The following IFNGR2 variants were observed in gnomAD, a reference collection of about 807,000 sequenced individuals.
IFNGR2 encodes the protein interferon gamma receptor 2.
Under a neutral mutation model 41.1 loss-of-function variants are expected in IFNGR2, and 15 were observed. The ratio of observed to expected loss-of-function variants is 0.37; its 90% CI spans 0.24 to 0.56. The LOEUF is 0.56. Among genes scored for constraint, IFNGR2 ranks in the 20% least tolerant of loss-of-function variants. The probability of loss-of-function intolerance (pLI) is 0.81; values close to 1 mark genes in which losing one functional copy is unlikely to be tolerated. For missense variants in IFNGR2, 362 were observed against 415.7 expected, an observed-to-expected ratio of 0.87 and a Z score of 1.12; for synonymous variants, 161 against 171.6, an observed-to-expected ratio of 0.94 and a Z score of 0.48.
intron 2 of IFNGR2, 56 bp from the exon 3 acceptor site, chr21:33,421,424 A>G: frequency 7.3e-7 from 1 of 1,376,370 alleles, no homozygotes; most frequent in Non-Finnish European, 1.0e-6. Flanking sequence ...CTCTGGGGAA[A>G]CTATTACACA....
At position 33,418,269 on chromosome 21, in the gene IFNGR2, C is replaced by T. The variant is rs577064238; in HGVS notation, c.207-3211C>T. Among the ~76,000 whole-genome samples, 21 of 152,224 alleles carry T rather than the reference C, an allele frequency of 1.4e-4. No individual in the cohort carries two copies. In the South Asian group the frequency reaches 4.1e-3, roughly 30 times the overall value. On this transcript the variant is annotated intron_variant, in intron 2 of 6. Coordinates refer to ENST00000290219, the MANE Select transcript of IFNGR2 (RefSeq NM_005534.4). ...ACAGCTTTTCACCATGTTGGCCAGG[C>T]TGGTCTCGAACTCCTGACCTCAGGT...
At chr21:33,429,669 G>A (rs2123363418) in intron 4 of IFNGR2, among the ~76,000 whole-genome samples, 1 of 152,272 alleles carries the variant, frequency 6.6e-6, no homozygotes, top group East Asian at 1.9e-4. Flanking sequence ...GAGAGACCCA[G>A]CGCCCAGGGC....
chr21:33,427,804 G>C (rs1393338029), intron 4 of IFNGR2, among the ~76,000 whole-genome samples: 1 of 148,146 alleles, frequency 6.8e-6, no homozygotes, highest in Non-Finnish European at 1.5e-5. Flanking sequence ...CTTTGTGTTT[G>C]GCTCTGGGCC....
chr21:33,403,607 G>T lies in IFNGR2; in HGVS notation c.64G>T (p.Ala22Ser). The change falls in exon 1 of 7, where the codon GCC becomes TCC. Residue 22 changes from alanine to serine, a missense_variant. By Grantham distance (99) the Ala-to-Ser change is moderately conservative. Coordinates refer to ENST00000290219, the MANE Select transcript of IFNGR2 (RefSeq NM_005534.4). ...CGGAGTCTTCGCCGCCGCCGCCGCG[G>T]CCCCGCCAGGTGAGCCGGGCCTGGG... ...LLGVFAAAAAAPPDPLSQLPA... is the reference protein window; with the variant it reads ...LLGVFAAAAASPPDPLSQLPA... The T allele has an allele frequency of 1.5e-6, 2 of 1,365,158 alleles. No individual in the cohort carries two copies. The highest frequency in any genetic ancestry group is 1.6e-5 in the South Asian group (1 of 60,692). The allele number at this position is 1,365,158 out of a possible 1,614,324, so 84.6% of individuals were successfully genotyped here. A position where few individuals can be genotyped will look rare whatever the true frequency, so the allele number is the denominator to read the frequency against.
chr21:33,421,679 C>G lies in IFNGR2; in HGVS notation c.406C>G (p.Arg136Gly). ...GACAATGCCTTGGTTTCAACACTAT[C>G]GGAATGGTAAGAGAACTTGAGTATA... ...WVTMPWFQHY[R>G]NVTVGPPENI... The change falls in exon 3 of 7, where the codon CGG (arginine) becomes GGG (glycine). Residue 136 changes from arginine (R) to glycine (G), a missense_variant. Arg to Gly is a moderately radical substitution (Grantham distance 125). Transcript: ENST00000290219. The G allele has an allele frequency of 6.2e-7, 1 of 1,612,392 alleles. No homozygotes were observed. The highest frequency in any genetic ancestry group is 1.1e-5 in the South Asian group (1 of 91,066).
intron 1 of IFNGR2, among the ~76,000 whole-genome samples, chr21:33,409,634 G>T (rs2083702568): frequency 6.6e-6 from 1 of 152,168 alleles, no homozygotes; most frequent in Non-Finnish European, 1.5e-5. Context: ...TCCATGCCAG[G>T]AATCGGCAAA....
At chr21:33,414,133 C>A (rs17882307) in intron 1 of IFNGR2, among the ~76,000 whole-genome samples, 32 of 151,988 alleles carry the variant, frequency 2.1e-4, no homozygotes, top group African/African-American at 7.5e-4. Flanking sequence ...GAGCTCGGGC[C>A]GTGTTGTCCT....
chr21:33,426,768 C>A, intron 3 of IFNGR2, 116 bp from the exon 4 acceptor site: 1 of 560,208 alleles, frequency 1.8e-6, no homozygotes, highest in Non-Finnish European at 2.9e-6. Flanking sequence ...GTGTATATAT[C>A]TACACCCACT....
At chr21:33,411,114 G>A (rs1185970015) in intron 1 of IFNGR2, among the ~76,000 whole-genome samples, 1 of 152,230 alleles carries the variant, frequency 6.6e-6, no homozygotes, top group Non-Finnish European at 1.5e-5. Flanking sequence ...GCAGTTCTGA[G>A]ACTGATTTTC....
At chr21:33,436,065 T>C (rs1187720007) in intron 6 of IFNGR2, among the ~76,000 whole-genome samples, 1 of 147,398 alleles carries the variant, frequency 6.8e-6, no homozygotes, top group East Asian at 2.0e-4. Flanking sequence ...TCAACAACAA[T>C]AAAAAATTGT....
chr21:33,422,550 G>A (rs2083801730), intron 3 of IFNGR2, among the ~76,000 whole-genome samples: 1 of 152,138 alleles, frequency 6.6e-6, no homozygotes, highest in Non-Finnish European at 1.5e-5. Flanking sequence ...TTTATGTTAT[G>A]TGTATTTTAC....
chr21:33,427,746 C>T lies in IFNGR2; in HGVS notation c.561+714C>T, dbSNP rs1308622306. Among the ~76,000 whole-genome samples the T allele has an allele frequency of 4.6e-5, 7 of 151,508 alleles. No homozygotes were observed. The East Asian group carries it at 1.4e-3, about 29-fold the overall frequency. ...GAACTTCATGATTTCCTAAATTCAA[C>T]ATTATGATGGTTTTTGATAATAAGA... On this transcript the variant is annotated intron_variant, in intron 4 of 6. Transcript: ENST00000290219.
chr21:33,417,244 C>T (rs2123342703), intron 2 of IFNGR2, among the ~76,000 whole-genome samples: 1 of 152,154 alleles, frequency 6.6e-6, no homozygotes, highest in East Asian at 1.9e-4. Flanking sequence ...GCGCACACTG[C>T]TGTACCCAGC....
rs763533315 is a variant in IFNGR2 at position 33,414,907 on chromosome 21, C to T, written c.93C>T (p.Pro31=). ...AAPPDPLSQL[P]APQHPKIRLY... is the part of the protein sequence containing the mutation. ...CTCAAGACCCTCTTTCCCAGCTGCC[C>T]GCTCCTCAGCACCCGAAGATTCGCC... Residue 31 remains proline (P), a synonymous_variant, in exon 2 of 7, where the codon CCC becomes CCT. Coordinates refer to ENST00000290219, the MANE Select transcript of IFNGR2 (RefSeq NM_005534.4). The T allele has an allele frequency of 6.2e-6, 10 of 1,613,902 alleles. No homozygotes were observed. Among genetic ancestry groups the T allele is most frequent in the African/African-American group, 4.0e-5 (3 of 74,890 alleles).
In IFNGR2 at chr21:33,426,964, A is replaced by G; in HGVS notation, c.493A>G (p.Ile165Val). The change falls in exon 4 of 7, where the codon ATC becomes GTC. Residue 165 changes from isoleucine (I) to valine (V), a missense_variant. Ile to Val is a conservative substitution (Grantham distance 29). Coordinates refer to ENST00000290219, the MANE Select transcript of IFNGR2 (RefSeq NM_005534.4). ...LIIRFSSPFD[I>V]ADTSTAFFCY... ...CATCAGGTTCTCCTCTCCCTTTGACATCGCTGATACCTCCACGGCCTTTTT... is the reference window on the plus strand; with the variant it reads ...CATCAGGTTCTCCTCTCCCTTTGACGTCGCTGATACCTCCACGGCCTTTTT... The G allele has an allele frequency of 6.2e-7, 1 of 1,613,622 alleles. No homozygotes were observed. The highest frequency in any genetic ancestry group is 8.5e-7 in the Non-Finnish European group (1 of 1,179,708).
At chr21:33,421,792 A>C in intron 3 of IFNGR2, 107 bp downstream of exon 3, 1 of 889,278 alleles carries the variant, frequency 1.1e-6, no homozygotes, top group Non-Finnish European at 1.9e-6. Context: ...AATGACCAGC[A>C]GACAAATGGG....
At chr21:33,415,884 CAG>C (rs2083750103) in intron 2 of IFNGR2, among the ~76,000 whole-genome samples, 1 of 152,140 alleles carries the variant, frequency 6.6e-6, no homozygotes, top group Non-Finnish European at 1.5e-5. Context: ...TGTTTTGAAA[CAG>C]AGTTTCCCTC....
rs1438792621 is a variant in IFNGR2, at chr21:33,414,999, T to A, written c.185T>A (p.Val62Asp). Residue 62 changes from valine (V) to aspartate (D), a missense_variant, in exon 2 of 7, where the codon GTC becomes GAC. Val to Asp is a radical substitution (Grantham distance 152, BLOSUM62 -3). Coordinates refer to ENST00000290219, the MANE Select transcript of IFNGR2 (RefSeq NM_005534.4). ...VALSNSTRPV[V>D]YQVQFKYTDS... ...CTGAGCAATAGCACGAGGCCTGTTGTCTACCAAGTGCAGTTTAAATAGTAA... is the reference window on the plus strand; with the variant it reads ...CTGAGCAATAGCACGAGGCCTGTTGACTACCAAGTGCAGTTTAAATAGTAA... 1.9e-6 allele frequency: 3 copies of A among 1,614,070 alleles called. No homozygotes were observed. The highest frequency in any genetic ancestry group is 2.5e-6 in the Non-Finnish European group (3 of 1,180,042).
chr21:33,408,944 C>T (rs1464773863), intron 1 of IFNGR2, among the ~76,000 whole-genome samples: 7 of 151,822 alleles, frequency 4.6e-5, no homozygotes, highest in South Asian at 2.1e-4. Flanking sequence ...TTTGGGAGGC[C>T]GAGGCAGGTG....
Sources: allele counts gnomAD v4.1 joint callset (sites outside exome capture counted in the v4.1 genomes callset), GRCh38; gene constraint gnomAD v4.1.1; transcripts MANE v1.5; gene names NCBI Gene and HGNC (gene_info 2026-07-23, HGNC 2026-07-21).